The following BMPR1A variants were observed in gnomAD, a reference collection of about 807,000 sequenced individuals.
The protein encoded by BMPR1A is bone morphogenetic protein receptor type-1A.
Under a neutral mutation model 66.0 loss-of-function variants are expected in BMPR1A, and 7 were observed. The observed-to-expected ratio is 0.11, with a 90% CI of 0.06 to 0.20. The LOEUF is 0.20. Among genes scored for constraint, BMPR1A ranks in the 10% least tolerant of loss-of-function variants. The pLI is 1.00. For synonymous variants in BMPR1A, 200 were observed against 229.7 expected (o/e 0.87, Z 1.17); for missense variants, 408 against 669.1 (o/e 0.61, Z 4.31).
At chr10:86,772,472 TTAAAA>T (rs961560170) in intron 1 of BMPR1A, among the ~76,000 whole-genome samples, 1 of 152,122 alleles carries the variant, frequency 6.6e-6, no homozygotes, top group Non-Finnish European at 1.5e-5. Context: ...AGTATTACTC[TTAAAA>T]TAAATGACCT....
intron 3 of BMPR1A, among the ~76,000 whole-genome samples, chr10:86,887,181 T>C (rs2133380089): frequency 6.6e-6 from 1 of 152,284 alleles, no homozygotes; most frequent in East Asian, 1.9e-4. Context: ...TTTGTGCTTA[T>C]TCCCCCTCTG....
downstream of BMPR1A, chr10:86,930,857 C>T (rs1335164671): frequency 6.6e-6 from 1 of 152,256 alleles, no homozygotes; most frequent in Non-Finnish European, 1.5e-5. Context: ...CCTCCCACCT[C>T]AGCCTCCTGA....
chr10:86,833,495 A>G (rs371956411), intron 1 of BMPR1A, among the ~76,000 whole-genome samples: 85 of 152,302 alleles, frequency 5.6e-4, no homozygotes, highest in African/African-American at 2.0e-3. Flanking sequence ...TCCTGAGTAT[A>G]ATAGATGAAG....
intron 1 of BMPR1A, among the ~76,000 whole-genome samples, chr10:86,819,243 C>T (rs1842084562): frequency 1.3e-5 from 2 of 152,056 alleles, no homozygotes; most frequent in South Asian, 4.2e-4. Flanking sequence ...TTAAAAATAC[C>T]ATGTTTTGTA....
At chr10:86,767,389 A>G (rs1001721907) in intron 1 of BMPR1A, among the ~76,000 whole-genome samples, 7 of 152,178 alleles carry the variant, frequency 4.6e-5, no homozygotes, top group African/African-American at 1.7e-4. Context: ...CTGCAACATA[A>G]AAATTATTTG....
chr10:86,908,096 G>A (rs771794041), intron 7 of BMPR1A, among the ~76,000 whole-genome samples: 4 of 152,078 alleles, frequency 2.6e-5, no homozygotes, highest in South Asian at 2.1e-4. Context: ...CCCAGCTGCT[G>A]GGGAGGCTGA....
chr10:86,925,080 C>G lies in BMPR1A; in HGVS notation c.*1361C>G, dbSNP rs1339019778. 8.6e-6 allele frequency: 2 copies of G among 231,936 alleles called. No individual in the cohort carries two copies. The highest frequency in any genetic ancestry group is 1.7e-5 in the Non-Finnish European group (2 of 117,408). 14.4% of individuals were successfully genotyped at this position (231,936 alleles called of 1,614,324 possible). A position where few individuals can be genotyped will look rare whatever the true frequency, so the allele number is the denominator to read the frequency against. On this transcript the variant is annotated 3_prime_UTR_variant, in exon 13 of 13. Coordinates refer to ENST00000372037, the MANE Select transcript of BMPR1A (RefSeq NM_004329.3). The stretch of plus-strand genomic sequence containing the variant: ...TTTTTGGTTTTTTGATTTCTATTCC[C>G]TAACTTGTGAAGACAATGAAAAATC...
At chr10:86,799,497 CCTTCCTTCCTTTCTTTTCTTTT>C (rs1448306565) in intron 1 of BMPR1A, among the ~76,000 whole-genome samples, 1 of 109,780 alleles carries the variant, frequency 9.1e-6, no homozygotes, top group Non-Finnish European at 1.8e-5. Flanking sequence ...TTCCTTCCTT[CCTTCCTTCCTTTCTTTTCTTTT>C]CTTTTCTTTT....
chr10:86,917,417 G>A (rs1216871858), intron 9 of BMPR1A, 91 bp downstream of exon 9: 1 of 1,452,478 alleles, frequency 6.9e-7, no homozygotes, highest in Non-Finnish European at 9.6e-7. Flanking sequence ...AAATGTGTGA[G>A]TTCAACTATA....
At chr10:86,855,460 TA>T (rs1842628295) in intron 2 of BMPR1A, 1 of 584,882 alleles carries the variant, frequency 1.7e-6, no homozygotes, top group Admixed American at 2.6e-5. Context: ...ATTTCTGACC[TA>T]CTGTATTTAC....
chr10:86,791,756 G>T (rs1033861554), intron 1 of BMPR1A, among the ~76,000 whole-genome samples: 1 of 102,892 alleles, frequency 9.7e-6, no homozygotes, highest in African/African-American at 3.7e-5. Context: ...CTCTTGCTCT[G>T]TTGCCCAGGC....
intron 3 of BMPR1A, among the ~76,000 whole-genome samples, chr10:86,877,797 C>T (rs1564711107): frequency 6.6e-6 from 1 of 152,172 alleles, no homozygotes; most frequent in Non-Finnish European, 1.5e-5. Context: ...TACCTCACTT[C>T]CAGGTAATCT....
intron 1 of BMPR1A, among the ~76,000 whole-genome samples, chr10:86,827,985 C>G (rs944042678): frequency 1.4e-4 from 22 of 152,226 alleles, no homozygotes; most frequent in African/African-American, 5.1e-4. Context: ...AACCGCATTT[C>G]TACTAAAAAT....
At chr10:86,839,718 G>C (rs1397450834) in intron 2 of BMPR1A, among the ~76,000 whole-genome samples, 3 of 150,944 alleles carry the variant, frequency 2.0e-5, no homozygotes, top group Non-Finnish European at 4.4e-5. Context: ...TGTCACCCAG[G>C]CTGGACTGCA....
chr10:86,821,689 C>G (rs548601737), intron 1 of BMPR1A, among the ~76,000 whole-genome samples: 1 of 152,256 alleles, frequency 6.6e-6, no homozygotes, highest in South Asian at 2.1e-4. Context: ...ACAATATGAT[C>G]ATGTTGTTAC....
At chr10:86,910,149 A>G (rs1215109302) in intron 7 of BMPR1A, among the ~76,000 whole-genome samples, 1 of 152,118 alleles carries the variant, frequency 6.6e-6, no homozygotes, top group Non-Finnish European at 1.5e-5. Context: ...CCTGGCCAAC[A>G]TGGTGAAACC....
At chr10:86,835,284 G>C (rs575641820) in intron 1 of BMPR1A, among the ~76,000 whole-genome samples, 2 of 148,722 alleles carry the variant, frequency 1.3e-5, no homozygotes, top group Admixed American at 1.3e-4. Flanking sequence ...ACAAACAAGT[G>C]TCCAGGAGTG....
chr10:86,816,489 C>T (rs374616467), intron 1 of BMPR1A, among the ~76,000 whole-genome samples: 2 of 152,244 alleles, frequency 1.3e-5, no homozygotes, highest in Admixed American at 6.5e-5. Context: ...GAAACTGAAT[C>T]AGTGAAACTC....
intron 2 of BMPR1A, among the ~76,000 whole-genome samples, chr10:86,870,857 C>T (rs527403455): frequency 9.2e-5 from 14 of 152,098 alleles, no homozygotes; most frequent in South Asian, 4.1e-4. Context: ...CCTAAATTTC[C>T]ACAATATTCT....
Sources: gnomAD v4.1 joint callset for allele counts (sites outside exome capture counted in the v4.1 genomes callset) on GRCh38, gnomAD v4.1.1 for gene constraint, MANE v1.5 for transcripts, NCBI Gene and HGNC (gene_info 2026-07-23, HGNC 2026-07-21) for gene names.